Variants in STUM observed in about 807,000 individuals in gnomAD.
The protein encoded by STUM is protein stum homolog.
A neutral mutation model predicts 15.3 loss-of-function variants in STUM; 8 were observed. The observed-to-expected ratio is 0.52, with a 90% CI of 0.31 to 0.94. The LOEUF (loss-of-function observed/expected upper bound fraction) is 0.94, where lower values mean the gene tolerates loss of function less well. STUM is among the 40% of genes least tolerant of loss of function. The pLI is 0.05. For synonymous variants in STUM, 78 were observed against 88.7 expected (o/e 0.88, Z 0.68); for missense variants, 142 against 204.9 (o/e 0.69, Z 1.87).
chr1:226,554,101 G>A (rs1667412566), intron 1 of STUM, among the ~76,000 whole-genome samples: 1 of 152,204 alleles, frequency 6.6e-6, no homozygotes, highest in South Asian at 2.1e-4. Flanking sequence ...TTGAATGTGA[G>A]TGGAAATGAC....
chr1:226,596,684 G>T, intron 1 of STUM, 118 bp from the exon 2 acceptor site: 2 of 882,420 alleles, frequency 2.3e-6, no homozygotes, highest in Non-Finnish European at 1.8e-6. Context: ...GCCAGACATC[G>T]GTGGTTCTTC....
intron 1 of STUM, among the ~76,000 whole-genome samples, chr1:226,577,905 C>T (rs1667846568): frequency 6.6e-6 from 1 of 152,158 alleles, no homozygotes; most frequent in South Asian, 2.1e-4. Flanking sequence ...AAGTCACTGC[C>T]TTGCTTCCAC....
rs1468311020 is a variant in STUM, at chr1:226,567,424, A to G, written c.202+18318A>G. ...TAGCTATTAAACAAAGTAAGGAAAC[A>G]TTGAATAAGAAATAGTTTTATATTC... On this transcript the variant is annotated intron_variant, in intron 1 of 3. Transcript: ENST00000366788. This position sits in a 1 kb window ranked among gnomAD's most constrained non-coding sequence, Gnocchi z 4.5. Among the ~76,000 whole-genome samples the G allele has an allele frequency of 6.6e-6, 1 of 152,262 alleles. No individual in the cohort carries two copies. The highest frequency in any genetic ancestry group is 1.5e-5 in the Non-Finnish European group (1 of 68,052).
intron 1 of STUM, among the ~76,000 whole-genome samples, chr1:226,553,139 A>G (rs1198141196): frequency 2.6e-5 from 4 of 152,236 alleles, no homozygotes. Context: ...GAGATTCAGG[A>G]AACAGTGAAT....
At chr1:226,560,447 G>C (rs1667521822) in intron 1 of STUM, among the ~76,000 whole-genome samples, 2 of 152,196 alleles carry the variant, frequency 1.3e-5, no homozygotes, top group Non-Finnish European at 2.9e-5. Context: ...CAGCCTCCAG[G>C]CTATGGAACA....
chr1:226,581,033 G>T (rs375840224), intron 1 of STUM, among the ~76,000 whole-genome samples: 34 of 152,234 alleles, frequency 2.2e-4, no homozygotes, highest in African/African-American at 7.0e-4. Context: ...AGTTCCCATG[G>T]TTGAAGTTGG....
chr1:226,584,059 T>G (rs113846549), intron 1 of STUM, among the ~76,000 whole-genome samples: 1 of 152,108 alleles, frequency 6.6e-6, no homozygotes, highest in South Asian at 2.1e-4. Context: ...GGGATTTAGA[T>G]AGGACACATT....
At position 226,608,578 on chromosome 1, in the gene STUM, C is replaced by T. The variant is rs1226169086; in HGVS notation, c.*6538C>T. 6.6e-6 allele frequency: 1 copy of T among 152,210 alleles called. No homozygotes were observed. Among genetic ancestry groups the T allele is most frequent in the Admixed American group, 6.5e-5 (1 of 15,282 alleles). 9.4% of individuals were successfully genotyped at this position (152,210 alleles called of 1,614,324 possible). On this transcript the variant is annotated 3_prime_UTR_variant, in exon 4 of 4. Transcript: ENST00000366788. The surrounding 1 kb of genome is among the most constrained non-coding windows in gnomAD (Gnocchi z 4.0). Reference sequence around the variant, plus strand: ...GGCTTTGTTTGGGTCTCTCTTCTTTCTGTGAAATTAACTGCTGTGCGTTTT... The same window carrying T: ...GGCTTTGTTTGGGTCTCTCTTCTTTTTGTGAAATTAACTGCTGTGCGTTTT...
At chr1:226,551,827 C>G (rs948904316) in intron 1 of STUM, among the ~76,000 whole-genome samples, 1 of 152,138 alleles carries the variant, frequency 6.6e-6, no homozygotes, top group Non-Finnish European at 1.5e-5. Context: ...AGCAGAAATT[C>G]TTCCTGGGGG....
chr1:226,550,595 CTTT>C (rs572158437), intron 1 of STUM, among the ~76,000 whole-genome samples: 2 of 144,188 alleles, frequency 1.4e-5, no homozygotes. Context: ...CTTGATCCAC[CTTT>C]TTTTTTTTTT....
At chr1:226,553,015 A>G (rs1351397047) in intron 1 of STUM, among the ~76,000 whole-genome samples, 1 of 152,248 alleles carries the variant, frequency 6.6e-6, no homozygotes, top group East Asian at 1.9e-4. Context: ...ATAAAAGTGA[A>G]GTAGGCCTGA....
At chr1:226,572,290 G>A (rs540679835) in intron 1 of STUM, among the ~76,000 whole-genome samples, 20 of 152,206 alleles carry the variant, frequency 1.3e-4, no homozygotes, top group Admixed American at 5.2e-4. Flanking sequence ...AGATTCTCAG[G>A]GCTTTTTTCA....
intron 1 of STUM, among the ~76,000 whole-genome samples, chr1:226,562,410 A>C (rs1418602736): frequency 1.3e-5 from 2 of 151,704 alleles, no homozygotes; most frequent in African/African-American, 4.8e-5. Flanking sequence ...CATAGGTTGC[A>C]GTGAGCCGAG....
Position 226,606,754 on chromosome 1 carries a change from C to T in STUM, c.*4714C>T, listed in dbSNP as rs1668366052. The T allele has an allele frequency of 6.6e-6, 1 of 152,222 alleles. No individual in the cohort carries two copies. Among genetic ancestry groups the T allele is most frequent in the Admixed American group, 6.5e-5 (1 of 15,278 alleles). 9.4% of individuals were successfully genotyped at this position (152,222 alleles called of 1,614,324 possible). ...CCTGAAGCCTTTGCTGTCAACCCTC[C>T]CAGGAAAGAAGCCGGGCCTCAGGCT... On this transcript the variant is annotated 3_prime_UTR_variant, in exon 4 of 4. Transcript: ENST00000366788.
rs1018635046 is a variant in STUM at position 226,602,886 on chromosome 1, C to G, written c.*846C>G. ...GAAGTCATTGGGGCCAGATGTGTCT[C>G]CGAATTGAGAAATTTTAGATTTGAG... On this transcript the variant is annotated 3_prime_UTR_variant, in exon 4 of 4. Coordinates refer to ENST00000366788, the MANE Select transcript of STUM (RefSeq NM_001003665.4). The G allele has an allele frequency of 6.6e-6, 1 of 152,192 alleles. No homozygotes were observed. The highest frequency in any genetic ancestry group is 6.5e-5 in the Admixed American group (1 of 15,284). 9.4% of individuals were successfully genotyped at this position (152,192 alleles called of 1,614,324 possible).
intron 1 of STUM, among the ~76,000 whole-genome samples, chr1:226,586,904 G>C (rs1668007316): frequency 6.6e-6 from 1 of 152,136 alleles, no homozygotes; most frequent in African/African-American, 2.4e-5. Context: ...CCCCTGCCCT[G>C]GCCATTACAC....
intron 1 of STUM, among the ~76,000 whole-genome samples, chr1:226,570,506 A>C (rs530838443): frequency 2.0e-5 from 3 of 152,226 alleles, no homozygotes; most frequent in African/African-American, 7.2e-5. Context: ...GAACAGATGC[A>C]GTCGCCATTG....
At chr1:226,577,517 A>T (rs886950055) in intron 1 of STUM, among the ~76,000 whole-genome samples, 1 of 151,676 alleles carries the variant, frequency 6.6e-6, no homozygotes, top group Non-Finnish European at 1.5e-5. Context: ...ACACACACAC[A>T]CACTCACACA....
chr1:226,574,720 G>C (rs1667775981), intron 1 of STUM, among the ~76,000 whole-genome samples: 1 of 152,192 alleles, frequency 6.6e-6, no homozygotes, highest in Admixed American at 6.5e-5. Flanking sequence ...AGGCCTGTGA[G>C]AGATGTGGAG....
Sources: gnomAD v4.1 joint callset for allele counts (sites outside exome capture counted in the v4.1 genomes callset) on GRCh38, gnomAD v4.1.1 for gene constraint, Gnocchi (gnomAD v3.1) non-coding constraint, MANE v1.5 for transcripts, NCBI Gene and HGNC (gene_info 2026-07-23, HGNC 2026-07-21) for gene names.